DRC8: variants seen among roughly 807,000 people sequenced by gnomAD.
DRC8 encodes dynein regulatory complex subunit 8.
At chr1:245,049,889 C>G in the DRC8 span, among the ~76,000 whole-genome samples, 1 of 152,216 alleles carries the variant, frequency 6.6e-6, no homozygotes, top group East Asian at 1.9e-4. This position sits in a 1 kb window ranked among gnomAD's most constrained non-coding sequence, Gnocchi z 4.5. Context: ...GGGAAAATGT[C>G]TTAACCTTTC....
chr1:245,038,402 G>A, the DRC8 span, among the ~76,000 whole-genome samples: 14 of 152,248 alleles, frequency 9.2e-5, no homozygotes, highest in East Asian at 3.9e-4. Flanking sequence ...CCTGGGAGGC[G>A]GAGCTTGCAG....
the DRC8 span, among the ~76,000 whole-genome samples, chr1:245,026,442 A>G: frequency 2.0e-5 from 3 of 152,232 alleles, no homozygotes; most frequent in Admixed American, 2.0e-4. Flanking sequence ...TTCGCAATTC[A>G]TGTTTATCAG....
At chr1:245,053,269 C>T in the DRC8 span, among the ~76,000 whole-genome samples, 1 of 152,146 alleles carries the variant, frequency 6.6e-6, no homozygotes, top group Non-Finnish European at 1.5e-5. Context: ...TCCAAGAACC[C>T]ATCAATGATA....
chr1:245,034,949 G>A, the DRC8 span, among the ~76,000 whole-genome samples: 126 of 151,814 alleles, frequency 8.3e-4, 2 homozygotes, highest in South Asian at 0.026. Flanking sequence ...GATAACTTGG[G>A]AGACAGAATG....
chr1:245,055,569 A>C, the DRC8 span, among the ~76,000 whole-genome samples: 1 of 151,650 alleles, frequency 6.6e-6, no homozygotes, highest in Non-Finnish European at 1.5e-5. Context: ...TGATCCTCCC[A>C]CCCACAGCCT....
the DRC8 span, among the ~76,000 whole-genome samples, chr1:244,971,654 C>T: frequency 6.6e-6 from 1 of 152,176 alleles, no homozygotes; most frequent in Non-Finnish European, 1.5e-5. Flanking sequence ...CCCTCTCAAA[C>T]CATTTTTCTC....
the DRC8 span, among the ~76,000 whole-genome samples, chr1:245,051,043 A>C: frequency 6.6e-6 from 1 of 151,912 alleles, no homozygotes; most frequent in Admixed American, 6.6e-5. Flanking sequence ...ATTTTTAAAA[A>C]ATTTTTGGTA....
At chr1:245,112,579 G>A in the DRC8 span, among the ~76,000 whole-genome samples, 3,017 of 152,214 alleles carry the variant, frequency 0.02, 112 homozygotes, top group East Asian at 0.14. Flanking sequence ...AACTGTGGTG[G>A]AATATACATA....
At chr1:245,000,961 C>T in the DRC8 span, among the ~76,000 whole-genome samples, 6 of 151,956 alleles carry the variant, frequency 3.9e-5, no homozygotes, top group East Asian at 9.7e-4. Context: ...GTGGAGGAGA[C>T]TGCAGCAGCC....
chr1:245,034,600 C>CAAAA, the DRC8 span, among the ~76,000 whole-genome samples: 37 of 39,498 alleles, frequency 9.4e-4, no homozygotes, highest in African/African-American at 1.2e-3. Context: ...GACTCCATCT[C>CAAAA]AAAAAAAAAA....
chr1:245,080,612 C>T, the DRC8 span, among the ~76,000 whole-genome samples: 3 of 152,090 alleles, frequency 2.0e-5, no homozygotes, highest in East Asian at 5.8e-4. Context: ...TTTTTCCATC[C>T]TTACTCATAA....
the DRC8 span, among the ~76,000 whole-genome samples, chr1:245,067,523 C>G: frequency 3.9e-5 from 6 of 152,210 alleles, no homozygotes; most frequent in Non-Finnish European, 1.5e-5. Context: ...CTACACTTTT[C>G]ATCTTGGATG....
chr1:245,108,261 A>G, the DRC8 span, among the ~76,000 whole-genome samples: 3 of 151,948 alleles, frequency 2.0e-5, no homozygotes, highest in Non-Finnish European at 4.4e-5. Context: ...TGTCTCCAGT[A>G]CTTACTGAGA....
chr1:245,082,758 G>A, the DRC8 span, among the ~76,000 whole-genome samples: 1 of 152,042 alleles, frequency 6.6e-6, no homozygotes, highest in Non-Finnish European at 1.5e-5. Flanking sequence ...AGGCTGGAAT[G>A]CAGTGGCACC....
chr1:245,074,011 T>C, the DRC8 span, among the ~76,000 whole-genome samples: 1 of 152,336 alleles, frequency 6.6e-6, no homozygotes. Context: ...AAAGTTGGTT[T>C]TTAAAATGCA....
chr1:245,124,588 T>C, the DRC8 span: 1 of 152,222 alleles, frequency 6.6e-6, no homozygotes, highest in South Asian at 2.1e-4. Flanking sequence ...ATCCCCGTTG[T>C]TCCTATAGAT....
chr1:245,006,858 C>T, the DRC8 span, among the ~76,000 whole-genome samples: 2 of 151,990 alleles, frequency 1.3e-5, no homozygotes, highest in Non-Finnish European at 2.9e-5. Context: ...CGCTTGAACC[C>T]AGGAGGTGGA....
the DRC8 span, among the ~76,000 whole-genome samples, chr1:245,032,995 AC>A: frequency 3.8e-4 from 58 of 151,848 alleles, no homozygotes; most frequent in East Asian, 2.5e-3. Flanking sequence ...AAAAAAAAAA[AC>A]AAAAACCCAA....
the DRC8 span, among the ~76,000 whole-genome samples, chr1:244,973,707 A>G: frequency 1.3e-5 from 2 of 152,188 alleles, no homozygotes; most frequent in East Asian, 3.8e-4. Flanking sequence ...GTAGAAATAC[A>G]CATATGTTTT....
Sources: allele counts gnomAD v4.1 joint callset (sites outside exome capture counted in the v4.1 genomes callset), GRCh38; gene constraint gnomAD v4.1.1; non-coding constraint Gnocchi (gnomAD v3.1); transcripts MANE v1.5; gene names NCBI Gene and HGNC (gene_info 2026-07-23, HGNC 2026-07-21).